The following SOD2 variants were observed in gnomAD, a reference collection of about 807,000 sequenced individuals.
The protein encoded by SOD2 is superoxide dismutase [Mn], mitochondrial.
Under a neutral mutation model 27.0 loss-of-function variants are expected in SOD2, and 11 were observed. The observed-to-expected ratio is 0.41, with a 90% CI of 0.26 to 0.67. SOD2 has a LOEUF of 0.67. Ranked by LOEUF, SOD2 falls within the 30% of genes least tolerant of loss-of-function variation. The probability of loss-of-function intolerance (pLI) is 0.34; values close to 1 mark genes in which losing one functional copy is unlikely to be tolerated. For missense variants in SOD2, 250 were observed against 274.5 expected, an observed-to-expected ratio of 0.91 and a Z score of 0.63; for synonymous variants, 105 against 103.0, an observed-to-expected ratio of 1.02 and a Z score of -0.12.
At position 159,686,627 on chromosome 6, in the gene SOD2, C is replaced by T. The variant is rs548306847; in HGVS notation, c.343+1499G>A. On this transcript the variant is annotated intron_variant, in intron 3 of 4. Transcript: ENST00000538183. ...TCAAGCCACTTCACTGTAGCCTGGG[C>T]GAAAGAGCTAAACTCCATCTCCAAA... Among the ~76,000 whole-genome samples the T allele has an allele frequency of 2.6e-5, 4 of 152,030 alleles. No homozygotes were observed. The South Asian group carries it at 6.2e-4, about 24-fold the overall frequency.
In SOD2 at chr6:159,713,170, G is replaced by A. The variant is rs1164903850; in HGVS notation, c.-116+13959C>T. 43 of 1,260,504 alleles carry A rather than the reference G, an allele frequency of 3.4e-5. 1 individual carries two copies. Among genetic ancestry groups the A allele is most frequent in the South Asian group, 2.3e-4 (15 of 65,080 alleles). 78.1% of individuals were successfully genotyped at this position (1,260,504 alleles called of 1,614,324 possible). A position where few individuals can be genotyped will look rare whatever the true frequency, so the allele number is the denominator to read the frequency against. ...TCTGGAAACTGGACCCACTATCTCC[G>A]TATCTATGATCAGACATTCCTGAAA... On this transcript the variant is annotated intron_variant, in intron 1 of 2. Coordinates refer to the SOD2 transcript ENST00000401980.
At chr6:159,699,106 C>T (rs1777481799) in intron 1 of SOD2, among the ~76,000 whole-genome samples, 1 of 152,130 alleles carries the variant, frequency 6.6e-6, no homozygotes, top group Non-Finnish European at 1.5e-5. Flanking sequence ...AAGAATTGGG[C>T]CCAGCCTTAT....
At position 159,756,437 on chromosome 6, in the gene SOD2, G is replaced by A. The variant is rs184159282; in HGVS notation, c.-336+4600C>T. 2.5e-4 allele frequency: 38 copies of A among 152,238 alleles called. No homozygotes were observed. In the East Asian group the frequency reaches 6.8e-3, roughly 27 times the overall value. 9.4% of individuals were successfully genotyped at this position (152,238 alleles called of 1,614,324 possible). On this transcript the variant is annotated intron_variant, in intron 1 of 7. Coordinates refer to the SOD2 transcript ENST00000546087. ...ACAGTCAAACTTAAGACCAAGCATC[G>A]ATTACGATTTTGCACACAATTTTTA...
Position 159,753,802 on chromosome 6 carries a change from C to T in SOD2, c.-335-5126G>A, listed in dbSNP as rs571936633. Among the ~76,000 whole-genome samples, 6 of 151,928 alleles carry T rather than the reference C, an allele frequency of 3.9e-5. No individual in the cohort carries two copies. The East Asian group carries it at 1.2e-3, about 29-fold the overall frequency. On this transcript the variant is annotated intron_variant, in intron 1 of 7. Transcript: ENST00000546087. ...AGCCATATAATTTTAGTTTGTTTAT[C>T]CCCACCCTCCTAATTCTTTATTGTT...
At chr6:159,753,450 TC>T in intron 1 of SOD2, 1 of 1,614,200 alleles carries the variant, frequency 6.2e-7, no homozygotes, top group Non-Finnish European at 8.5e-7. Context: ...GATGGCTCTT[TC>T]CTTTGCAGCC....
upstream of SOD2, chr6:159,748,098 G>A (rs1388356914): frequency 2.1e-6 from 3 of 1,444,040 alleles, no homozygotes; most frequent in Non-Finnish European, 2.8e-6. This position sits in a 1 kb window ranked among gnomAD's most constrained non-coding sequence, Gnocchi z 5.6. Flanking sequence ...TAATGAAAGA[G>A]TTGGTAAATC....
chr6:159,737,519 A>T (rs1471186431), intron 1 of SOD2, among the ~76,000 whole-genome samples: 2 of 151,744 alleles, frequency 1.3e-5, no homozygotes, highest in Admixed American at 6.6e-5. Flanking sequence ...TCTGAGACAG[A>T]GTCTCACTCT....
chr6:159,696,473 C>T (rs1249008846), upstream of SOD2, among the ~76,000 whole-genome samples: 1 of 152,118 alleles, frequency 6.6e-6, no homozygotes, highest in African/African-American at 2.4e-5. Context: ...GTGCGTGCCA[C>T]CATGCCTGGC....
At chr6:159,735,376 A>G (rs956892683) in intron 1 of SOD2, among the ~76,000 whole-genome samples, 10 of 152,156 alleles carry the variant, frequency 6.6e-5, no homozygotes, top group African/African-American at 2.4e-4. Flanking sequence ...TCTGACCTCA[A>G]GTGATCCACC....
intron 4 of SOD2, among the ~76,000 whole-genome samples, chr6:159,684,264 T>G (rs367933672): frequency 6.6e-6 from 1 of 152,150 alleles, no homozygotes; most frequent in East Asian, 1.9e-4. Flanking sequence ...TTTTTTTATT[T>G]TAGTACATAT....
At chr6:159,699,803 G>T (rs147972394) in intron 1 of SOD2, among the ~76,000 whole-genome samples, 107 of 152,190 alleles carry the variant, frequency 7.0e-4, no homozygotes, top group African/African-American at 2.4e-3. Flanking sequence ...ACAACCCAGG[G>T]GCTGCACTCC....
upstream of SOD2, among the ~76,000 whole-genome samples, chr6:159,695,052 G>C (rs1030242948): frequency 6.6e-6 from 1 of 152,144 alleles, no homozygotes; most frequent in African/African-American, 2.4e-5. Context: ...TGAAGGGAGT[G>C]CAGGCTAGTT....
Position 159,676,734 on chromosome 6 carries a change from T to TA in SOD2, c.*5758dup, listed in dbSNP as rs1218311859. The TA allele has an allele frequency of 6.6e-6, 1 of 152,054 alleles. No homozygotes were observed. Among genetic ancestry groups the TA allele is most frequent in the Admixed American group, 6.6e-5 (1 of 15,254 alleles). The allele number at this position is 152,054 out of a possible 1,614,324, so 9.4% of individuals were successfully genotyped here. A position where few individuals can be genotyped will look rare whatever the true frequency, so the allele number is the denominator to read the frequency against. On this transcript the variant is annotated 3_prime_UTR_variant, in exon 5 of 5. Transcript: ENST00000538183. ...TGTTGTACACATGTACCCTAGAACT[T>TA]AAAGTATAATTTAAAAATAAATAAG...
chr6:159,737,839 A>G (rs1336092662), intron 1 of SOD2, among the ~76,000 whole-genome samples: 3 of 152,170 alleles, frequency 2.0e-5, no homozygotes, highest in Non-Finnish European at 4.4e-5. Flanking sequence ...TACAGCCTTT[A>G]TTTGGTGTAG....
intron 1 of SOD2, among the ~76,000 whole-genome samples, chr6:159,704,292 G>A (rs1777580252): frequency 6.6e-6 from 1 of 152,218 alleles, no homozygotes; most frequent in African/African-American, 2.4e-5. Flanking sequence ...GACAGTGGGT[G>A]CAGAGCACTG....
At chr6:159,700,402 C>G (rs913843291) in intron 1 of SOD2, among the ~76,000 whole-genome samples, 5 of 152,240 alleles carry the variant, frequency 3.3e-5, no homozygotes, top group Middle Eastern at 3.4e-3. Flanking sequence ...CGCCTGTAAT[C>G]CGAGCACTTT....
chr6:159,709,110 T>C lies in SOD2; in HGVS notation c.-115-16247A>G, dbSNP rs184562446. ...CCCTTCCTTACACCTTATACAAAAA[T>C]TAATTCAAGATGGATTAAAGACTTA... On this transcript the variant is annotated intron_variant, in intron 1 of 2. Coordinates refer to the SOD2 transcript ENST00000401980. Among the ~76,000 whole-genome samples the C allele has an allele frequency of 5.8e-3, 886 of 152,258 alleles. 14 individuals are homozygous for C. Among genetic ancestry groups the C allele is most frequent in the East Asian group, 0.013 (67 of 5,180 alleles).
chr6:159,749,080 A>T, upstream of SOD2: 1 of 987,924 alleles, frequency 1.0e-6, no homozygotes, highest in Non-Finnish European at 1.2e-6. Flanking sequence ...GCCTTAATCA[A>T]TGTGGTTTTA....
Position 159,670,077 on chromosome 6 carries a change from A to G in SOD2, c.*12416T>C. On this transcript the variant is annotated 3_prime_UTR_variant, in exon 5 of 5. Transcript: ENST00000538183. ...CAGTGTAGACTCACACTGTAATCAC[A>G]GCTCACTGTAGACTCCAACTCATGA... 1 of 152,354 alleles carries G rather than the reference A, an allele frequency of 6.6e-6. No homozygotes were observed. Among genetic ancestry groups the G allele is most frequent in the African/African-American group, 2.4e-5 (1 of 41,574 alleles). The allele number at this position is 152,354 out of a possible 1,614,324, so 9.4% of individuals were successfully genotyped here. A position where few individuals can be genotyped will look rare whatever the true frequency, so the allele number is the denominator to read the frequency against.
Sources: gnomAD v4.1 joint callset for allele counts (sites outside exome capture counted in the v4.1 genomes callset) on GRCh38, gnomAD v4.1.1 for gene constraint, Gnocchi (gnomAD v3.1) non-coding constraint, MANE v1.5 for transcripts, NCBI Gene and HGNC (gene_info 2026-07-23, HGNC 2026-07-21) for gene names.